The following MYH7 variants were observed in gnomAD, a reference collection of about 807,000 sequenced individuals.
The protein encoded by MYH7 is myosin-7.
In MYH7, 129 loss-of-function variants were observed where a neutral mutation model predicts 225.4. The ratio of observed to expected loss-of-function variants is 0.57; its 90% CI spans 0.50 to 0.66. The LOEUF is 0.66. MYH7 is among the 30% of genes least tolerant of loss of function. MYH7 has a pLI of 0.00. For synonymous variants in MYH7, 971 were observed against 1,007.6 expected (o/e 0.96, Z 0.69); for missense variants, 1,649 against 2,517.0 (o/e 0.66, Z 7.38).
chr14:23,414,404 T>C (rs1314990791), intron 37 of MYH7, among the ~76,000 whole-genome samples: 1 of 152,176 alleles, frequency 6.6e-6, no homozygotes, highest in Non-Finnish European at 1.5e-5. Context: ...TGAAGTCCCC[T>C]GCTCTGGACC....
intron 13 of MYH7, 52 bp from the exon 14 acceptor site, chr14:23,429,156 A>T (rs756688431): frequency 1.2e-6 from 2 of 1,613,968 alleles, no homozygotes; most frequent in African/African-American, 2.7e-5. Context: ...GGAAGAGTGA[A>T]CTTGAAAACT....
In MYH7 at chr14:23,423,630, C is replaced by T. The variant is rs1892572179; in HGVS notation, c.3016G>A (p.Ala1006Thr). 11 of 1,614,104 alleles carry T rather than the reference C, an allele frequency of 6.8e-6. No homozygotes were observed. Among genetic ancestry groups the T allele is most frequent in the Non-Finnish European group, 9.3e-6 (11 of 1,180,034 alleles). The change falls in exon 24 of 40, where the codon GCT becomes ACT. Residue 1006 changes from alanine (A) to threonine (T), a missense_variant. Transcript: ENST00000355349. Reference protein sequence around the residue: ...KKALQEAHQQALDDLQAEEDK... With the variant: ...KKALQEAHQQTLDDLQAEEDK... ...TCCTCGGCCTGAAGGTCATCCAGAGCCTGTTGGTGGGCCTCTTGCAGAGCT... is the reference window on the plus strand; with the variant it reads ...TCCTCGGCCTGAAGGTCATCCAGAGTCTGTTGGTGGGCCTCTTGCAGAGCT...
chr14:23,432,926 T>G (rs969503678), intron 4 of MYH7, 131 bp from the exon 5 acceptor site: 1 of 1,494,064 alleles, frequency 6.7e-7, no homozygotes, highest in Non-Finnish European at 9.2e-7. Flanking sequence ...ATCTGAGTAA[T>G]GCCAGTCCCC....
chr14:23,433,830 T>C lies in MYH7; in HGVS notation c.-8-90A>G. On this transcript the variant is annotated intron_variant, in intron 2 of 39. Coordinates refer to ENST00000355349, the MANE Select transcript of MYH7 (RefSeq NM_000257.4). This position sits in a 1 kb window ranked among gnomAD's most constrained non-coding sequence, Gnocchi z 4.1. ...CCCCTTCAGTGGGAGCCCCAAAACCTAGCACCATGCTCAAGAGTCAAGAGG... is the reference window on the plus strand; with the variant it reads ...CCCCTTCAGTGGGAGCCCCAAAACCCAGCACCATGCTCAAGAGTCAAGAGG... 7.8e-7 allele frequency: 1 copy of C among 1,282,050 alleles called. No individual in the cohort carries two copies. Among genetic ancestry groups the C allele is most frequent in the Non-Finnish European group, 1.1e-6 (1 of 899,660 alleles). The allele number at this position is 1,282,050 out of a possible 1,614,324, so 79.4% of individuals were successfully genotyped here.
In MYH7 at chr14:23,422,257, C is replaced by G. The variant is rs747198710; in HGVS notation, c.3168G>C (p.Glu1056Asp). 6.8e-6 allele frequency: 11 copies of G among 1,613,950 alleles called. No homozygotes were observed. In the African/African-American group the frequency reaches 1.5e-4, roughly 22 times the overall value. ...MDLERAKRKL[E>D]GDLKLTQESI... is the part of the protein sequence containing the mutation. The stretch of plus-strand genomic sequence containing the variant: ...TCTCCTGGGTCAGCTTCAGGTCGCC[C>G]TCCAGCTTCCGCTTCGCTCGCTCCA... Residue 1056 changes from glutamate to aspartate, a missense_variant, in exon 25 of 40, where the codon GAG becomes GAC. Physicochemically the swap from Glu to Asp is conservative, Grantham distance 45. This residue lies in a region of MYH7 where 282 missense variants were observed against 315.3 expected (regional missense o/e 0.89). Coordinates refer to ENST00000355349, the MANE Select transcript of MYH7 (RefSeq NM_000257.4).
Position 23,415,965 on chromosome 14 carries a change from G to T in MYH7, c.4953+39C>A, listed in dbSNP as rs775990796. 1.4e-5 allele frequency: 23 copies of T among 1,613,936 alleles called. No homozygotes were observed. Among genetic ancestry groups the T allele is most frequent in the Non-Finnish European group, 1.8e-5 (21 of 1,179,968 alleles). On this transcript the variant is annotated intron_variant, in intron 34 of 39. Transcript: ENST00000355349. The surrounding 1 kb of genome is among the most constrained non-coding windows in gnomAD (Gnocchi z 6.3). The stretch of plus-strand genomic sequence containing the variant: ...GCCTGTATCAAGACACTACTGCTTC[G>T]CCAGGCCACGTGGAGGCCAGTCCCC...
chr14:23,417,814 C>G, intron 30 of MYH7, 128 bp from the exon 31 acceptor site: 1 of 1,307,926 alleles, frequency 7.6e-7, no homozygotes, highest in Non-Finnish European at 1.1e-6. Context: ...AGCCTGAGGA[C>G]AGGTCCCAGG....
intron 9 of MYH7, 31 bp from the exon 10 acceptor site, chr14:23,431,030 A>C (rs563344535): frequency 2.6e-6 from 4 of 1,525,092 alleles, no homozygotes; most frequent in South Asian, 2.2e-5. Context: ...GAAGGAGAGA[A>C]AGAAAAGTTA....
chr14:23,415,493 A>G lies in MYH7; in HGVS notation c.5171T>C (p.Ile1724Thr), dbSNP rs1399417992. 1 of 1,614,130 alleles carries G rather than the reference A, an allele frequency of 6.2e-7. No individual in the cohort carries two copies. The highest frequency in any genetic ancestry group is 8.5e-7 in the Non-Finnish European group (1 of 1,180,024). Residue 1724 changes from isoleucine to threonine, a missense_variant, in exon 36 of 40, where the codon ATC (isoleucine) becomes ACC (threonine). Ile to Thr is a moderately conservative substitution (Grantham distance 89). This residue lies in a region of MYH7 where 687 missense variants were observed against 913.8 expected (regional missense o/e 0.75). Coordinates refer to ENST00000355349, the MANE Select transcript of MYH7 (RefSeq NM_000257.4). This position sits in a 1 kb window ranked among gnomAD's most constrained non-coding sequence, Gnocchi z 6.3. Reference protein sequence around the residue: ...QLLHSQNTSLINQKKKMDADL... With the variant: ...QLLHSQNTSLTNQKKKMDADL... The stretch of plus-strand genomic sequence containing the variant: ...AGCATCCATCTTCTTCTTCTGGTTG[A>G]TGAGGCTGGTGTTCTGGGTTGGGGG...
chr14:23,413,001 GGCA>G, intron 39 of MYH7, 130 bp from the exon 40 acceptor site: 1 of 888,506 alleles, frequency 1.1e-6, no homozygotes, highest in East Asian at 2.5e-5. Flanking sequence ...AAGCCCCTGT[GGCA>G]GCAGCACATG....
chr14:23,432,035 C>T (rs764408268), intron 6 of MYH7, among the ~76,000 whole-genome samples, 166 bp from the exon 7 acceptor site: 50 of 152,300 alleles, frequency 3.3e-4, no homozygotes, highest in Middle Eastern at 6.8e-3. Context: ...GCACAGAGGT[C>T]AGGGCTGGCA....
chr14:23,427,969 A>G, intron 15 of MYH7, 75 bp from the exon 16 acceptor site: 1 of 1,581,180 alleles, frequency 6.3e-7, no homozygotes. Context: ...TGGTCAATAT[A>G]CTTGCTCGTG....
intron 24 of MYH7, 133 bp from the exon 25 acceptor site, chr14:23,422,458 G>T: frequency 8.7e-7 from 1 of 1,147,356 alleles, no homozygotes; most frequent in Non-Finnish European, 1.3e-6. Context: ...TGGGCCAAAT[G>T]TTATTAGGGG....
At position 23,417,143 on chromosome 14, in the gene MYH7, C is replaced by T. The variant is rs778843617; in HGVS notation, c.4519+10G>A. On this transcript the variant is annotated intron_variant, in intron 32 of 39. Transcript: ENST00000355349. ...CAGCCCCTCCCCAGCCTCTTGGGCC[C>T]CCAGCACACCCTGCAGGTTTTTGTT... 12 of 1,614,124 alleles carry T rather than the reference C, an allele frequency of 7.4e-6. No homozygotes were observed. In the South Asian group the frequency reaches 1.3e-4, roughly 18 times the overall value.
chr14:23,433,655 C>A lies in MYH7; in HGVS notation c.78G>T (p.Ala26=), dbSNP rs746119986. ...LRKSEKERLE[A]QTRPFDLKKD... ...TCTTGAGGTCAAAAGGCCTGGTCTG[C>A]GCTTCTAGCCGCTCCTTCTCTGACT... is the stretch of plus-strand genomic sequence containing the variant. The change falls in exon 3 of 40, where the codon GCG becomes GCT. Residue 26 remains alanine, a synonymous_variant. Transcript: ENST00000355349. This position sits in a 1 kb window ranked among gnomAD's most constrained non-coding sequence, Gnocchi z 4.1. 2.5e-6 allele frequency: 4 copies of A among 1,614,144 alleles called. No homozygotes were observed. The African/African-American group carries it at 5.3e-5, about 22-fold the overall frequency.
In MYH7 at chr14:23,415,510, G is replaced by A; in HGVS notation, c.5158-4C>T. 6.2e-7 allele frequency: 1 copy of A among 1,614,232 alleles called. No individual in the cohort carries two copies. Among genetic ancestry groups the A allele is most frequent in the Non-Finnish European group, 8.5e-7 (1 of 1,180,040 alleles). On this transcript the variant is annotated splice_polypyrimidine_tract_variant and splice_region_variant and intron_variant, in intron 35 of 39. Coordinates refer to ENST00000355349, the MANE Select transcript of MYH7 (RefSeq NM_000257.4). The surrounding 1 kb of genome is among the most constrained non-coding windows in gnomAD (Gnocchi z 6.3). ...TCTGGTTGATGAGGCTGGTGTTCTG[G>A]GTTGGGGGAGGGTTGGGCAGAGCAG...
chr14:23,421,192 A>T, intron 25 of MYH7, 144 bp from the exon 26 acceptor site: 1 of 696,866 alleles, frequency 1.4e-6, no homozygotes, highest in Non-Finnish European at 2.6e-6. Flanking sequence ...GGATCCCTGG[A>T]AGTGTAACAC....
At chr14:23,426,644 C>A (rs1349177999) in intron 18 of MYH7, 133 bp downstream of exon 18, 15 of 803,242 alleles carry the variant, frequency 1.9e-5, no homozygotes, top group Non-Finnish European at 3.0e-5. Context: ...CCCTGGGAGG[C>A]CTCATGCGGG....
chr14:23,429,854 T>A lies in MYH7; in HGVS notation c.1059A>T (p.Thr353=), dbSNP rs1555338461. 6.2e-7 allele frequency: 1 copy of A among 1,614,022 alleles called. No individual in the cohort carries two copies. The highest frequency in any genetic ancestry group is 8.5e-7 in the Non-Finnish European group (1 of 1,180,006). ...SEEKNSMYKL[T]GAIMHFGNMK... is the part of the protein sequence containing the mutation. ...TGTTTCCAAAGTGCATGATGGCGCC[T>A]GTCAGCTTATACATGGAGTTTTTCT... The change falls in exon 12 of 40, where the codon ACA becomes ACT. Residue 353 remains threonine (T), a synonymous_variant. Transcript: ENST00000355349.
Sources: gnomAD v4.1 joint callset for allele counts (sites outside exome capture counted in the v4.1 genomes callset) on GRCh38, gnomAD v4.1.1 for gene constraint, gnomAD v4.1.1 regional missense constraint, Gnocchi (gnomAD v3.1) non-coding constraint, MANE v1.5 for transcripts, NCBI Gene and HGNC (gene_info 2026-07-23, HGNC 2026-07-21) for gene names.